The following CHRM2 variants were observed in gnomAD, a reference collection of about 807,000 sequenced individuals.
The protein encoded by CHRM2 is muscarinic acetylcholine receptor M2.
Under a neutral mutation model 25.0 loss-of-function variants are expected in CHRM2, and 8 were observed. That is an observed-to-expected ratio of 0.32 (90% confidence interval 0.19 to 0.58). The LOEUF is 0.58. Ranked by LOEUF, CHRM2 falls within the 20% of genes least tolerant of loss-of-function variation. The pLI is 0.88. For missense variants in CHRM2, 440 were observed against 567.1 expected, an observed-to-expected ratio of 0.78 and a Z score of 2.28; for synonymous variants, 202 against 205.7, an observed-to-expected ratio of 0.98 and a Z score of 0.15.
chr7:136,931,207 T>C (rs534399075), intron 2 of CHRM2, among the ~76,000 whole-genome samples: 65 of 152,312 alleles, frequency 4.3e-4, no homozygotes, highest in Middle Eastern at 3.4e-3. Context: ...TAAGATAATT[T>C]AGGTATGTTG....
At chr7:136,960,971 C>CA (rs1563092234) in intron 2 of CHRM2, among the ~76,000 whole-genome samples, 4 of 151,946 alleles carry the variant, frequency 2.6e-5, no homozygotes, top group African/African-American at 7.3e-5. Context: ...ACTAAAAATA[C>CA]AAAAAAATTA....
intron 2 of CHRM2, among the ~76,000 whole-genome samples, chr7:136,977,009 C>A (rs1802147470): frequency 6.6e-6 from 1 of 152,140 alleles, no homozygotes; most frequent in Non-Finnish European, 1.5e-5. Flanking sequence ...ACATAACATT[C>A]CTATTGTACT....
At chr7:136,941,638 G>T (rs1799778497) in intron 2 of CHRM2, among the ~76,000 whole-genome samples, 1 of 152,136 alleles carries the variant, frequency 6.6e-6, no homozygotes, top group African/African-American at 2.4e-5. Context: ...AATATGTCTG[G>T]ACTGATCTTC....
intron 2 of CHRM2, among the ~76,000 whole-genome samples, chr7:136,875,160 T>TTA (rs370257300): frequency 6.4e-4 from 95 of 147,674 alleles, no homozygotes; most frequent in South Asian, 1.7e-3. Context: ...CACATGAATT[T>TTA]TATATATATA....
intron 2 of CHRM2, among the ~76,000 whole-genome samples, chr7:136,923,185 A>G (rs2130743853): frequency 6.6e-6 from 1 of 152,176 alleles, no homozygotes; most frequent in South Asian, 2.1e-4. Context: ...TGGCAGCCAC[A>G]AGGAGAGTAC....
intron 2 of CHRM2, among the ~76,000 whole-genome samples, chr7:136,909,712 G>A (rs1469110601): frequency 1.3e-5 from 2 of 151,778 alleles, no homozygotes; most frequent in Non-Finnish European, 2.9e-5. Flanking sequence ...AGTCTTATAT[G>A]CAAACCTACC....
In CHRM2 at chr7:136,934,288, G is replaced by A. The variant is rs528334066; in HGVS notation, c.-124-57899G>A. Among the ~76,000 whole-genome samples the A allele has an allele frequency of 9.9e-5, 15 of 151,946 alleles. 1 individual carries two copies. In the South Asian group the frequency reaches 3.1e-3, roughly 32 times the overall value. ...GTTCTTCCTTCTCTTGAACACTGTG[G>A]TAAGTCAGTCTCTTCCTGGATAGTA... is the stretch of plus-strand genomic sequence containing the variant. On this transcript the variant is annotated intron_variant, in intron 2 of 3. Coordinates refer to ENST00000680005, the MANE Select transcript of CHRM2 (RefSeq NM_001006630.2).
intron 2 of CHRM2, among the ~76,000 whole-genome samples, chr7:136,935,125 G>A (rs561942154): frequency 2.0e-5 from 3 of 152,192 alleles, no homozygotes; most frequent in Admixed American, 1.3e-4. Context: ...TTAAATATAA[G>A]AAGAGCCAGG....
rs549698914 is a variant in CHRM2, at chr7:136,964,743, C to T, written c.-124-27444C>T. 5.9e-5 allele frequency among the ~76,000 whole-genome samples: 9 copies of T among 152,308 alleles called. No individual in the cohort carries two copies. In the South Asian group the frequency reaches 1.9e-3, roughly 32 times the overall value. On this transcript the variant is annotated intron_variant, in intron 2 of 3. Transcript: ENST00000680005. ...ACAGAGGAAGCAAAGTACCCACTCT[C>T]TCTTCTCTCTGTGACATCTGTTCAG...
intron 2 of CHRM2, among the ~76,000 whole-genome samples, chr7:136,905,670 T>A (rs1200568904): frequency 2.6e-5 from 4 of 151,532 alleles, no homozygotes; most frequent in Admixed American, 2.0e-4. Context: ...ATAATTAGAA[T>A]TTATTTATTT....
At chr7:137,014,564 G>A (rs1284612239) in intron 3 of CHRM2, among the ~76,000 whole-genome samples, 1 of 151,964 alleles carries the variant, frequency 6.6e-6, no homozygotes, top group African/African-American at 2.4e-5. Context: ...TAGGTAGATA[G>A]ATACTCATAT....
chr7:136,899,170 TC>T (rs984314428), intron 2 of CHRM2: 1 of 152,080 alleles, frequency 6.6e-6, no homozygotes, highest in Non-Finnish European at 1.5e-5. Flanking sequence ...AGTGGGAAAG[TC>T]CCTTGCTCTA....
At chr7:137,014,696 C>G in intron 3 of CHRM2, 124 bp from the exon 4 acceptor site, 2 of 682,680 alleles carry the variant, frequency 2.9e-6, no homozygotes, top group Non-Finnish European at 5.0e-6. Context: ...CAGGTAGACA[C>G]AGTAATCATG....
intron 2 of CHRM2, among the ~76,000 whole-genome samples, chr7:136,891,586 C>T (rs1796693053): frequency 1.3e-5 from 2 of 152,164 alleles, no homozygotes; most frequent in Non-Finnish European, 2.9e-5. Flanking sequence ...TTATCACACC[C>T]TTTTCATGGC....
intron 2 of CHRM2, among the ~76,000 whole-genome samples, chr7:136,938,894 T>C (rs1584789819): frequency 1.4e-5 from 1 of 72,006 alleles, no homozygotes; most frequent in Non-Finnish European, 2.8e-5. Context: ...TGGTCCAAAA[T>C]AAAACTTCAG....
chr7:136,872,900 T>C (rs1795895672), intron 2 of CHRM2, among the ~76,000 whole-genome samples: 3 of 152,216 alleles, frequency 2.0e-5, no homozygotes, highest in Admixed American at 6.5e-5. Flanking sequence ...AATATGCATG[T>C]GAGCGAACCC....
intron 2 of CHRM2, among the ~76,000 whole-genome samples, chr7:136,910,328 T>C (rs1018592645): frequency 2.0e-5 from 3 of 151,958 alleles, no homozygotes; most frequent in Admixed American, 1.3e-4. Flanking sequence ...TAACATTCTA[T>C]GTCTACATGA....
chr7:136,936,390 G>T (rs1799411401), intron 2 of CHRM2, among the ~76,000 whole-genome samples: 1 of 152,070 alleles, frequency 6.6e-6, no homozygotes, highest in South Asian at 2.1e-4. Context: ...GGAACAAAGG[G>T]TAAAAACTAC....
intron 2 of CHRM2, among the ~76,000 whole-genome samples, chr7:136,989,536 T>C (rs1394378822): frequency 6.6e-6 from 1 of 152,180 alleles, no homozygotes; most frequent in Non-Finnish European, 1.5e-5. Context: ...TAGCCTTTTG[T>C]AGGAAGTTCA....
Sources: allele counts gnomAD v4.1 joint callset (sites outside exome capture counted in the v4.1 genomes callset), GRCh38; gene constraint gnomAD v4.1.1; transcripts MANE v1.5; gene names NCBI Gene and HGNC (gene_info 2026-07-23, HGNC 2026-07-21).